PLSCR2: variants seen among roughly 807,000 people sequenced by gnomAD.
PLSCR2 encodes phospholipid scramblase 2, also known as PL scramblase 2.
A neutral mutation model predicts 25.3 loss-of-function variants in PLSCR2; 18 were observed. That is an observed-to-expected ratio of 0.71 (90% CI 0.49 to 1.06). PLSCR2 has a LOEUF of 1.06. PLSCR2 is among the 50% of genes least tolerant of loss of function. The pLI is 0.00. For synonymous variants in PLSCR2, 88 were observed against 87.3 expected (o/e 1.01, Z -0.04); for missense variants, 243 against 269.5 (o/e 0.90, Z 0.69).
chr3:146,437,370 C>A (rs111412422), downstream of PLSCR2, among the ~76,000 whole-genome samples: 29 of 152,230 alleles, frequency 1.9e-4, no homozygotes, highest in Non-Finnish European at 3.7e-4. Flanking sequence ...CCTCTTTGTA[C>A]GTCTGGTAGA....
At chr3:146,412,468 C>G (rs549757639) in intron 2 of PLSCR2, among the ~76,000 whole-genome samples, 2 of 152,230 alleles carry the variant, frequency 1.3e-5, no homozygotes, top group African/African-American at 2.4e-5. Flanking sequence ...GCTTACCACT[C>G]GTGCCCTCTG....
chr3:146,461,707 G>A (rs980404126), upstream of PLSCR2: 33 of 583,640 alleles, frequency 5.7e-5, no homozygotes, highest in Admixed American at 1.7e-4. Flanking sequence ...TAGCATGTTC[G>A]TGAGAGAGGA....
chr3:146,493,223 A>G (rs2043615832), intron 1 of PLSCR2, among the ~76,000 whole-genome samples: 1 of 152,162 alleles, frequency 6.6e-6, no homozygotes, highest in African/African-American at 2.4e-5. Context: ...TATACAAATA[A>G]TAGATGATAA....
intron 5 of PLSCR2, 58 bp downstream of exon 5, chr3:146,453,944 C>A (rs1560018262): frequency 7.9e-6 from 11 of 1,386,172 alleles, no homozygotes; most frequent in Non-Finnish European, 1.1e-5. Context: ...TAATATTCTG[C>A]AAAATTATAT....
At chr3:146,403,385 G>C (rs12629420) in intron 2 of PLSCR2, among the ~76,000 whole-genome samples, 79,723 of 151,938 alleles carry the variant, frequency 0.52, 21,191 homozygotes, top group South Asian at 0.71. Context: ...TTGACGCCAA[G>C]CTGTGGATTT....
chr3:146,446,982 A>G (rs10935631), intron 6 of PLSCR2, among the ~76,000 whole-genome samples: 87,153 of 152,058 alleles, frequency 0.57, 25,465 homozygotes, highest in South Asian at 0.76. Context: ...TTGATGTTAA[A>G]TATTACCTAG....
upstream of PLSCR2, among the ~76,000 whole-genome samples, chr3:146,464,887 A>G (rs2041792390): frequency 6.6e-6 from 1 of 152,238 alleles, no homozygotes; most frequent in African/African-American, 2.4e-5. Context: ...TTCATAATTT[A>G]TATTACAGTT....
intron 2 of PLSCR2, among the ~76,000 whole-genome samples, chr3:146,414,246 C>G (rs375209135): frequency 1.3e-5 from 2 of 152,216 alleles, no homozygotes; most frequent in Non-Finnish European, 2.9e-5. Flanking sequence ...TCAACACCAT[C>G]GCACTGATGA....
intron 3 of PLSCR2, among the ~76,000 whole-genome samples, chr3:146,457,318 AC>A (rs1488859533): frequency 6.6e-6 from 1 of 152,240 alleles, no homozygotes; most frequent in Non-Finnish European, 1.5e-5. Context: ...CAGAAGGAAG[AC>A]GCTGTGGTTC....
rs200725686 is a variant in PLSCR2, at chr3:146,401,086, T to C, written c.101-5165A>G. ...AGGTAGAGTCTTTGCCACTTTACAA[T>C]AGGCAGATTTCTTAGGTCACAAAAA... On this transcript the variant is annotated intron_variant and NMD_transcript_variant, in intron 2 of 3. Coordinates refer to the PLSCR2 transcript ENST00000463633. 3.9e-5 allele frequency among the ~76,000 whole-genome samples: 6 copies of C among 152,108 alleles called. No homozygotes were observed. In the East Asian group the frequency reaches 9.7e-4, roughly 24 times the overall value.
intron 1 of PLSCR2, among the ~76,000 whole-genome samples, chr3:146,491,545 T>C (rs1031082947): frequency 3.3e-5 from 5 of 152,158 alleles, no homozygotes; most frequent in Admixed American, 3.3e-4. Context: ...AGATGTGTTC[T>C]TCATTTAAAA....
intron 4 of PLSCR2, 132 bp downstream of exon 4, chr3:146,455,107 G>A (rs373753562): frequency 3.1e-6 from 2 of 642,000 alleles, no homozygotes; most frequent in Non-Finnish European, 5.4e-6. Context: ...TTATACAATT[G>A]ATTTGGAAGC....
intron 5 of PLSCR2, among the ~76,000 whole-genome samples, chr3:146,453,284 T>C (rs968920481): frequency 7.2e-5 from 11 of 152,132 alleles, no homozygotes; most frequent in African/African-American, 2.2e-4. Flanking sequence ...TTTTGTGGAA[T>C]TGTTGGCCCA....
At chr3:146,428,781 T>C (rs1386434242), downstream of PLSCR2, among the ~76,000 whole-genome samples, 1 of 152,226 alleles carries the variant, frequency 6.6e-6, no homozygotes, top group Non-Finnish European at 1.5e-5. Context: ...GCATCTTGCA[T>C]AAAGACTTAT....
intron 1 of PLSCR2, among the ~76,000 whole-genome samples, chr3:146,494,423 T>A (rs1408060936): frequency 6.6e-6 from 1 of 152,176 alleles, no homozygotes; most frequent in Admixed American, 6.5e-5. Context: ...TCATGTTGTC[T>A]ACATGTGTGC....
At chr3:146,463,280 C>T (rs2041706003), upstream of PLSCR2, among the ~76,000 whole-genome samples, 1 of 152,044 alleles carries the variant, frequency 6.6e-6, no homozygotes, top group South Asian at 2.1e-4. Flanking sequence ...AGATTCACGC[C>T]ATTCTCCTGT....
chr3:146,412,715 G>A (rs2038895543), intron 2 of PLSCR2, among the ~76,000 whole-genome samples: 1 of 152,176 alleles, frequency 6.6e-6, no homozygotes, highest in Non-Finnish European at 1.5e-5. Context: ...GAGGGGAAGA[G>A]GTTCTTATTC....
intron 2 of PLSCR2, among the ~76,000 whole-genome samples, chr3:146,405,583 G>A (rs1365181392): frequency 1.3e-5 from 2 of 152,074 alleles, no homozygotes; most frequent in Non-Finnish European, 2.9e-5. Flanking sequence ...GTGTTTTTGG[G>A]GAATCAAATC....
At chr3:146,413,060 AT>A (rs2038907973) in intron 2 of PLSCR2, among the ~76,000 whole-genome samples, 1 of 152,204 alleles carries the variant, frequency 6.6e-6, no homozygotes, top group African/African-American at 2.4e-5. Flanking sequence ...TAACATACTG[AT>A]TCTTTGAAGA....
Sources: allele counts gnomAD v4.1 joint callset (sites outside exome capture counted in the v4.1 genomes callset), GRCh38; gene constraint gnomAD v4.1.1; transcripts MANE v1.5; gene names NCBI Gene and HGNC (gene_info 2026-07-23, HGNC 2026-07-21).